CFAP57: variants seen among roughly 807,000 people sequenced by gnomAD.
CFAP57 encodes the protein cilia- and flagella-associated protein 57.
In CFAP57, 116 loss-of-function variants were observed where a neutral mutation model predicts 146.8. That is an observed-to-expected ratio of 0.79 (90% CI 0.68 to 0.92). The LOEUF is 0.92. CFAP57 is among the 40% of genes least tolerant of loss of function. CFAP57 has a pLI of 0.00. For synonymous variants in CFAP57, 518 were observed against 552.8 expected, an observed-to-expected ratio of 0.94 and a Z score of 0.88; for missense variants, 1,377 against 1,527.2, an observed-to-expected ratio of 0.90 and a Z score of 1.64.
At chr1:43,190,190 A>AT (rs1357765499) in intron 6 of CFAP57, among the ~76,000 whole-genome samples, 8 of 151,122 alleles carry the variant, frequency 5.3e-5, no homozygotes, top group African/African-American at 1.9e-4. Flanking sequence ...TAGAACCTCT[A>AT]GTATCATGTC....
rs148126157 is a variant in CFAP57 at position 43,215,062 on chromosome 1, C to T, written c.1930-193C>T. ...ATTCCAAATCCACAGAGAATGTAGA[C>T]GTAACCTTACTTCTTCTATTCATTA... On this transcript the variant is annotated intron_variant, in intron 11 of 22. Coordinates refer to ENST00000372492, the MANE Select transcript of CFAP57 (RefSeq NM_001378189.1). Among the ~76,000 whole-genome samples, 40 of 152,248 alleles carry T rather than the reference C, an allele frequency of 2.6e-4. No individual in the cohort carries two copies. In the East Asian group the frequency reaches 5.8e-3, roughly 22 times the overall value.
At chr1:43,253,459 G>A (rs1415374363) in intron 22 of CFAP57, among the ~76,000 whole-genome samples, 1 of 152,182 alleles carries the variant, frequency 6.6e-6, no homozygotes, top group Admixed American at 6.5e-5. Context: ...GGACCCTGGT[G>A]GACACTGCCA....
intron 2 of CFAP57, among the ~76,000 whole-genome samples, chr1:43,178,470 C>A (rs1645255482): frequency 6.6e-6 from 1 of 152,110 alleles, no homozygotes; most frequent in African/African-American, 2.4e-5. Flanking sequence ...AAAAAGTGGG[C>A]AAAGGATATG....
intron 6 of CFAP57, among the ~76,000 whole-genome samples, chr1:43,191,800 C>CT (rs574816091): frequency 0.49 from 71,201 of 145,042 alleles, 19,337 homozygotes; most frequent in East Asian, 0.71. Flanking sequence ...TTAGGTTGCT[C>CT]TTTTTTTTTT....
At chr1:43,222,075 A>G in intron 14 of CFAP57, 30 bp from the exon 15 acceptor site, 1 of 1,523,442 alleles carries the variant, frequency 6.6e-7, no homozygotes, top group Non-Finnish European at 8.8e-7. Flanking sequence ...CTGCTCTCCC[A>G]CCTTAAATAC....
chr1:43,178,612 G>A (rs373833743), intron 2 of CFAP57, among the ~76,000 whole-genome samples: 2 of 152,120 alleles, frequency 1.3e-5, no homozygotes, highest in Non-Finnish European at 1.5e-5. Context: ...TTAGAATGGC[G>A]ATCATTAAAA....
intron 22 of CFAP57, among the ~76,000 whole-genome samples, chr1:43,250,749 G>A (rs111535431): frequency 4.6e-5 from 7 of 152,142 alleles, no homozygotes; most frequent in African/African-American, 1.4e-4. Flanking sequence ...CCCAAATTGA[G>A]AGGAGCTGAT....
chr1:43,214,099 C>T (rs1000203909), intron 11 of CFAP57, among the ~76,000 whole-genome samples: 2 of 151,774 alleles, frequency 1.3e-5, no homozygotes, highest in Middle Eastern at 3.4e-3. Context: ...TTGTCCAGGC[C>T]GGTCTCAAAC....
chr1:43,217,628 C>G (rs2124538136), intron 12 of CFAP57, among the ~76,000 whole-genome samples: 1 of 152,222 alleles, frequency 6.6e-6, no homozygotes, highest in East Asian at 1.9e-4. Flanking sequence ...TCTAAACTCA[C>G]TCTCTCCAAC....
intron 4 of CFAP57, chr1:43,184,858 C>T: frequency 2.6e-6 from 1 of 381,558 alleles, no homozygotes; most frequent in Non-Finnish European, 5.0e-6. Context: ...CCAGGCCTCC[C>T]AGAACAAAGC....
intron 13 of CFAP57, among the ~76,000 whole-genome samples, chr1:43,220,029 A>T (rs1247387217): frequency 6.6e-6 from 1 of 152,190 alleles, no homozygotes; most frequent in Non-Finnish European, 1.5e-5. Context: ...AATATAAACC[A>T]CTTTATGGTG....
intron 11 of CFAP57, 177 bp downstream of exon 11, chr1:43,210,093 C>G: frequency 6.2e-7 from 1 of 1,613,440 alleles, no homozygotes; most frequent in Middle Eastern, 1.6e-4. Context: ...AAACTACTTC[C>G]AGGAATTTAG....
intron 12 of CFAP57, among the ~76,000 whole-genome samples, chr1:43,215,720 C>T (rs937319035): frequency 6.6e-6 from 1 of 152,210 alleles, no homozygotes; most frequent in African/African-American, 2.4e-5. Flanking sequence ...ATACAGTTCT[C>T]TTATGACCAA....
chr1:43,249,393 AAGTT>A (rs1238851576), intron 22 of CFAP57, among the ~76,000 whole-genome samples: 2 of 150,222 alleles, frequency 1.3e-5, no homozygotes, highest in Non-Finnish European at 3.0e-5. Context: ...CAATTATACA[AAGTT>A]AGTTATTTCC....
Position 43,227,113 on chromosome 1 carries a change from A to G in CFAP57, c.2996A>G (p.Glu999Gly), listed in dbSNP as rs761581348. Residue 999 changes from glutamate to glycine, a missense_variant, in exon 18 of 23, where the codon GAA becomes GGA. Coordinates refer to ENST00000372492, the MANE Select transcript of CFAP57 (RefSeq NM_001378189.1). The part of the protein sequence containing the change: ...PRENEIRVMK[E>G]QIQEMEAELE... ...GAGAATGAGATCAGGGTGATGAAGGAACAGATTCAGGAGGTAAGAAGCCAT... is the reference window on the plus strand; with the variant it reads ...GAGAATGAGATCAGGGTGATGAAGGGACAGATTCAGGAGGTAAGAAGCCAT... 1.3e-6 allele frequency: 2 copies of G among 1,537,756 alleles called. No individual in the cohort carries two copies. Among genetic ancestry groups the G allele is most frequent in the African/African-American group, 1.4e-5 (1 of 72,284 alleles).
At chr1:43,193,059 A>G (rs879671300) in intron 6 of CFAP57, among the ~76,000 whole-genome samples, 5 of 152,208 alleles carry the variant, frequency 3.3e-5, no homozygotes, top group Admixed American at 1.3e-4. Flanking sequence ...TTAGGTGCAC[A>G]TATCTTTACA....
chr1:43,186,610 CAAAAAAAAAA>C (rs36219136), intron 5 of CFAP57, 87 bp from the exon 6 acceptor site: 99 of 750,158 alleles, frequency 1.3e-4, no homozygotes, highest in Admixed American at 4.4e-4. Context: ...GACTCCGTCT[CAAAAAAAAAA>C]AAAAAAAAAA....
intron 22 of CFAP57, among the ~76,000 whole-genome samples, chr1:43,249,597 CTTTTTTTTTTT>C (rs35050145): frequency 5.7e-5 from 3 of 52,642 alleles, no homozygotes; most frequent in South Asian, 1.8e-3. Flanking sequence ...ACCCAGCTAA[CTTTTTTTTTTT>C]TTTTTTTTTT....
At chr1:43,199,891 G>A (rs182395343) in intron 9 of CFAP57, among the ~76,000 whole-genome samples, 138 of 152,320 alleles carry the variant, frequency 9.1e-4, no homozygotes, top group African/African-American at 3.2e-3. Flanking sequence ...TGTGGGCCTG[G>A]AATGTGGTGC....
Sources: gnomAD v4.1 joint callset for allele counts (sites outside exome capture counted in the v4.1 genomes callset) on GRCh38, gnomAD v4.1.1 for gene constraint, MANE v1.5 for transcripts, NCBI Gene and HGNC (gene_info 2026-07-23, HGNC 2026-07-21) for gene names.